The following COBL variants were observed in gnomAD, a reference collection of about 807,000 sequenced individuals.
COBL encodes the protein cordon-bleu WH2 repeat protein.
COBL carries 51 observed loss-of-function variants against 98.8 expected under a neutral mutation model. The ratio of observed to expected loss-of-function variants is 0.52; its 90% CI spans 0.41 to 0.65. The LOEUF (loss-of-function observed/expected upper bound fraction) is 0.65. Among genes scored for constraint, COBL ranks in the 30% least tolerant of loss-of-function variants. The pLI, the probability that COBL is intolerant of heterozygous loss-of-function variation, is 0.00. For missense variants in COBL, 1,617 were observed against 1,617.5 expected, an observed-to-expected ratio of 1.00 and a Z score of 0.01; for synonymous variants, 634 against 651.7, an observed-to-expected ratio of 0.97 and a Z score of 0.41.
Position 51,019,301 on chromosome 7 carries a change from C to A in COBL, c.3769-1733G>T, listed in dbSNP as rs370531474. On this transcript the variant is annotated intron_variant, in intron 12 of 12. Transcript: ENST00000265136. ...GCCTTATCAAGGAGGCACCAGGGAG[C>A]GTGTCTACCCTTCCATCACATGACA... Among the ~76,000 whole-genome samples the A allele has an allele frequency of 1.4e-4, 21 of 151,952 alleles. No homozygotes were observed. The East Asian group carries it at 3.3e-3, about 24-fold the overall frequency.
At chr7:51,209,647 C>T (rs547268715) in intron 2 of COBL, among the ~76,000 whole-genome samples, 2 of 152,284 alleles carry the variant, frequency 1.3e-5, no homozygotes, top group East Asian at 3.9e-4. Flanking sequence ...TGACCACATC[C>T]TGTGTATCTG....
intron 1 of COBL, among the ~76,000 whole-genome samples, chr7:51,304,363 A>G (rs1309115671): frequency 6.6e-6 from 1 of 152,218 alleles, no homozygotes; most frequent in East Asian, 1.9e-4. Context: ...TGTCCAGCCC[A>G]TGACTTCCTC....
At chr7:51,060,947 A>C (rs1791290101) in intron 7 of COBL, among the ~76,000 whole-genome samples, 1 of 152,166 alleles carries the variant, frequency 6.6e-6, no homozygotes, top group African/African-American at 2.4e-5. Flanking sequence ...GGGATGTAGG[A>C]GATCCCTTAG....
At chr7:51,308,972 G>A (rs1802751019) in intron 1 of COBL, among the ~76,000 whole-genome samples, 3 of 152,104 alleles carry the variant, frequency 2.0e-5, no homozygotes, top group Non-Finnish European at 2.9e-5. Context: ...ATATAACGTG[G>A]GTGTGTGTCA....
chr7:51,109,412 G>A (rs1029217048), intron 6 of COBL, among the ~76,000 whole-genome samples: 6 of 152,142 alleles, frequency 3.9e-5, no homozygotes, highest in Non-Finnish European at 7.3e-5. Flanking sequence ...AATCTTTAAA[G>A]GTTGGATTCT....
chr7:51,205,963 G>T (rs1791656926), intron 2 of COBL, among the ~76,000 whole-genome samples: 1 of 152,052 alleles, frequency 6.6e-6, no homozygotes, highest in African/African-American at 2.4e-5. Flanking sequence ...ATCACCATCA[G>T]GAAAGTGCAA....
intron 7 of COBL, among the ~76,000 whole-genome samples, chr7:51,060,274 A>C (rs1791197924): frequency 6.6e-6 from 1 of 152,238 alleles, no homozygotes; most frequent in Non-Finnish European, 1.5e-5. Context: ...TTGCTTCTCC[A>C]TCAGTAGCTT....
rs1428408736 is a variant in COBL, at chr7:51,108,852, C to T, written c.958-23548G>A. On this transcript the variant is annotated intron_variant, in intron 6 of 12. Coordinates refer to ENST00000265136, the MANE Select transcript of COBL (RefSeq NM_015198.5). The stretch of plus-strand genomic sequence containing the variant: ...GTATAGCTCTCCAGTACCTCCTTAT[C>T]AAAGACACCTGCCTACTTCTCCCAT... Among the ~76,000 whole-genome samples, 3 of 151,996 alleles carry T rather than the reference C, an allele frequency of 2.0e-5. No individual in the cohort carries two copies. The South Asian group carries it at 6.3e-4, about 32-fold the overall frequency.
chr7:51,092,268 T>C (rs1237476200), intron 6 of COBL, among the ~76,000 whole-genome samples: 1 of 152,202 alleles, frequency 6.6e-6, no homozygotes, highest in Non-Finnish European at 1.5e-5. Context: ...AACTGGTCCC[T>C]GGTGCCACAA....
At chr7:51,068,092 G>C (rs1294048803) in intron 7 of COBL, among the ~76,000 whole-genome samples, 1 of 152,226 alleles carries the variant, frequency 6.6e-6, no homozygotes, top group African/African-American at 2.4e-5. Flanking sequence ...TCTCAAGCCA[G>C]GCTTGAGCGG....
intron 1 of COBL, among the ~76,000 whole-genome samples, chr7:51,304,142 G>A (rs1359126705): frequency 6.6e-6 from 1 of 152,186 alleles, no homozygotes; most frequent in Non-Finnish European, 1.5e-5. Context: ...GATGGTGTGA[G>A]AGAGGCAGCC....
At position 51,267,089 on chromosome 7, in the gene COBL, G is replaced by A. The variant is rs191532805; in HGVS notation, c.42-47145C>T. 7.2e-5 allele frequency among the ~76,000 whole-genome samples: 11 copies of A among 152,068 alleles called. No individual in the cohort carries two copies. The South Asian group carries it at 8.3e-4, about 11-fold the overall frequency. ...CTCCGCTCACCACCACTCTCCCACCGCATAAATACAGAGGCCACACAAAGG... is the reference window on the plus strand; with the variant it reads ...CTCCGCTCACCACCACTCTCCCACCACATAAATACAGAGGCCACACAAAGG... On this transcript the variant is annotated intron_variant, in intron 1 of 12. Coordinates refer to ENST00000265136, the MANE Select transcript of COBL (RefSeq NM_015198.5).
intron 4 of COBL, among the ~76,000 whole-genome samples, chr7:51,186,442 AGTACACAAG>A (rs1789517081): frequency 6.6e-6 from 1 of 152,248 alleles, no homozygotes; most frequent in Non-Finnish European, 1.5e-5. Context: ...GCATTTTCCT[AGTACACAAG>A]CTGTATTACA....
chr7:51,077,462 C>G (rs1793202381), intron 7 of COBL, among the ~76,000 whole-genome samples: 1 of 152,228 alleles, frequency 6.6e-6, no homozygotes, highest in Non-Finnish European at 1.5e-5. Context: ...CTGGATCAGG[C>G]AACAGAAATC....
chr7:51,138,879 G>C (rs2129009522), intron 5 of COBL, among the ~76,000 whole-genome samples: 1 of 152,240 alleles, frequency 6.6e-6, no homozygotes, highest in South Asian at 2.1e-4. Flanking sequence ...ATTCCACCCT[G>C]TCTAGACATG....
intron 5 of COBL, among the ~76,000 whole-genome samples, chr7:51,159,826 C>CAA (rs1786605554): frequency 6.6e-6 from 1 of 152,134 alleles, no homozygotes; most frequent in Non-Finnish European, 1.5e-5. Flanking sequence ...GCTTTAAAAC[C>CAA]AAAACCCTCC....
At chr7:51,281,305 T>C (rs1487008473) in intron 1 of COBL, among the ~76,000 whole-genome samples, 1 of 152,142 alleles carries the variant, frequency 6.6e-6, no homozygotes, top group Non-Finnish European at 1.5e-5. Flanking sequence ...TATGGGGCAA[T>C]ACCAACAGGT....
intron 7 of COBL, among the ~76,000 whole-genome samples, chr7:51,079,097 G>T (rs1293472659): frequency 6.6e-6 from 1 of 152,184 alleles, no homozygotes; most frequent in African/African-American, 2.4e-5. Context: ...AGAGGCTAGG[G>T]GGTGAACACA....
chr7:51,258,066 T>A (rs1797361983), intron 1 of COBL, among the ~76,000 whole-genome samples: 1 of 152,244 alleles, frequency 6.6e-6, no homozygotes, highest in Non-Finnish European at 1.5e-5. Context: ...AGAAATAAGG[T>A]AGCTCTTTTC....
Sources: gnomAD v4.1 joint callset for allele counts (sites outside exome capture counted in the v4.1 genomes callset) on GRCh38, gnomAD v4.1.1 for gene constraint, MANE v1.5 for transcripts, NCBI Gene and HGNC (gene_info 2026-07-23, HGNC 2026-07-21) for gene names.